RYR2: variants seen among roughly 807,000 people sequenced by gnomAD.
RYR2 encodes the protein cardiac muscle ryanodine receptor-calcium release channel.
In RYR2, 227 loss-of-function variants were observed where a neutral mutation model predicts 601.1. That is an observed-to-expected ratio of 0.38 (90% confidence interval 0.34 to 0.42). The LOEUF (loss-of-function observed/expected upper bound fraction) is 0.42. RYR2 is among the 10% of genes least tolerant of loss of function. The pLI is 1.00. For missense variants in RYR2, 4,646 were observed against 6,156.5 expected (o/e 0.75, Z 8.21); for synonymous variants, 2,223 against 2,175.1 (o/e 1.02, Z -0.61).
intron 1 of RYR2, among the ~76,000 whole-genome samples, chr1:237,179,799 A>G (rs1363977185): frequency 6.6e-6 from 1 of 152,098 alleles, no homozygotes; most frequent in Non-Finnish European, 1.5e-5. Context: ...CAGATGATGC[A>G]TCTGGAGAAG....
At chr1:237,388,049 C>T in intron 9 of RYR2, 38 bp from the exon 10 acceptor site, 1 of 1,566,788 alleles carries the variant, frequency 6.4e-7, no homozygotes, top group African/African-American at 1.3e-5. Flanking sequence ...GCACCTGACA[C>T]TGACAGTCCA....
chr1:237,768,697 G>A (rs753705523), intron 84 of RYR2, among the ~76,000 whole-genome samples: 7 of 151,848 alleles, frequency 4.6e-5, no homozygotes, highest in African/African-American at 7.2e-5. Context: ...TGTACCTTCT[G>A]CAGACATAAA....
chr1:237,632,389 C>CTTTTTTT (rs11448751), intron 42 of RYR2, among the ~76,000 whole-genome samples: 6 of 127,362 alleles, frequency 4.7e-5, no homozygotes, highest in Admixed American at 8.2e-5. Context: ...AAAGTGAATT[C>CTTTTTTT]TTTTTTTTTT....
chr1:237,458,298 G>A lies in RYR2; in HGVS notation c.1612+1563G>A, dbSNP rs188733956. Among the ~76,000 whole-genome samples the A allele has an allele frequency of 4.9e-3, 744 of 152,110 alleles. 23 individuals are homozygous for A. The highest frequency in any genetic ancestry group is 0.044 in the Admixed American group (670 of 15,268). ...CAAAAAATTAGCCGAGCGTGGTGGC[G>A]GGAGCCTGTAACCCCAGCTACTCAG... On this transcript the variant is annotated intron_variant, in intron 16 of 104. Transcript: ENST00000366574.
In RYR2 at chr1:237,610,884, G is replaced by A. The variant is rs756887457; in HGVS notation, c.4806G>A (p.Gln1602=). Residue 1602 remains glutamine (Q), a synonymous_variant, in exon 36 of 105, where the codon CAG becomes CAA. Transcript: ENST00000366574. The surrounding 1 kb of genome is among the most constrained non-coding windows in gnomAD (Gnocchi z 4.9). ...TCCTGTGGAGCAGAATGCCCAACCA[G>A]TTTTTGAAGGTAGATGTGTCTCGAA... is the stretch of plus-strand genomic sequence containing the variant. The part of the protein sequence containing the change: ...SHVLWSRMPN[Q]FLKVDVSRIS... The A allele has an allele frequency of 6.2e-7, 1 of 1,613,472 alleles. No individual in the cohort carries two copies. The highest frequency in any genetic ancestry group is 1.7e-4 in the Middle Eastern group (1 of 6,054).
At chr1:237,191,630 C>A (rs991767583) in intron 1 of RYR2, among the ~76,000 whole-genome samples, 2 of 152,120 alleles carry the variant, frequency 1.3e-5, no homozygotes, top group East Asian at 3.9e-4. Flanking sequence ...AAGAACGGCA[C>A]AATCAAACCG....
At chr1:237,315,483 T>G (rs1695019987) in intron 2 of RYR2, among the ~76,000 whole-genome samples, 1 of 152,208 alleles carries the variant, frequency 6.6e-6, no homozygotes, top group South Asian at 2.1e-4. Flanking sequence ...AGGGCTTATT[T>G]ACAAATATTT....
chr1:237,693,297 C>A (rs1425727449), intron 63 of RYR2, among the ~76,000 whole-genome samples: 4 of 151,438 alleles, frequency 2.6e-5, no homozygotes, highest in African/African-American at 7.3e-5. Flanking sequence ...TAATTAATGA[C>A]CCTTAAAATA....
At position 237,654,378 on chromosome 1, in the gene RYR2, G is replaced by A. The variant is rs758412310; in HGVS notation, c.7929G>A (p.Lys2643=). 7 of 1,613,922 alleles carry A rather than the reference G, an allele frequency of 4.3e-6. No individual in the cohort carries two copies. In the East Asian group the frequency reaches 1.6e-4, roughly 36 times the overall value. The change falls in exon 52 of 105, where the codon AAG becomes AAA. Residue 2643 remains lysine (K), a synonymous_variant. Coordinates refer to ENST00000366574, the MANE Select transcript of RYR2 (RefSeq NM_001035.3). The part of the protein sequence containing the change: ...ASEEELHLSR[K]LFWGIFDALS... ...AAGAAGAACTTCATTTATCAAGAAA[G>A]TTGTTCTGGGGCATTTTTGATGCCC...
At chr1:237,092,684 C>T (rs1420537634) in intron 1 of RYR2, among the ~76,000 whole-genome samples, 1 of 152,042 alleles carries the variant, frequency 6.6e-6, no homozygotes, top group East Asian at 1.9e-4. Context: ...CATGTGCCAC[C>T]ATGCCCAGCT....
intron 2 of RYR2, among the ~76,000 whole-genome samples, chr1:237,326,039 A>G (rs975353669): frequency 4.6e-5 from 7 of 152,176 alleles, no homozygotes; most frequent in African/African-American, 1.7e-4. Context: ...ATTGGTTGTT[A>G]TTCAGTTAAG....
intron 2 of RYR2, among the ~76,000 whole-genome samples, chr1:237,276,683 C>A (rs1690318508): frequency 6.6e-6 from 1 of 152,074 alleles, no homozygotes; most frequent in Admixed American, 6.6e-5. Flanking sequence ...GAAATTAAGT[C>A]ATAAGGGACC....
intron 2 of RYR2, among the ~76,000 whole-genome samples, chr1:237,303,683 A>G (rs12067632): frequency 0.014 from 2,073 of 152,294 alleles, 46 homozygotes; most frequent in African/African-American, 0.047. Flanking sequence ...TTAAATATAC[A>G]TATGTACCTT....
intron 71 of RYR2, among the ~76,000 whole-genome samples, chr1:237,712,715 C>T (rs1688947761): frequency 6.6e-6 from 1 of 152,178 alleles, no homozygotes; most frequent in South Asian, 2.1e-4. Context: ...GGACGAATTC[C>T]AGGTTCTCAC....
intron 1 of RYR2, among the ~76,000 whole-genome samples, chr1:237,094,411 A>C (rs557927693): frequency 6.6e-6 from 1 of 152,200 alleles, no homozygotes; most frequent in East Asian, 1.9e-4. Flanking sequence ...CAAAAACCAT[A>C]GTATCGTTTC....
chr1:237,545,070 A>G (rs1669657508), intron 25 of RYR2, among the ~76,000 whole-genome samples: 1 of 152,238 alleles, frequency 6.6e-6, no homozygotes, highest in South Asian at 2.1e-4. Flanking sequence ...TATAGAGGAA[A>G]GAAGGTTAAA....
intron 12 of RYR2, among the ~76,000 whole-genome samples, chr1:237,429,973 A>G (rs1041333259): frequency 6.6e-6 from 1 of 151,874 alleles, no homozygotes; most frequent in African/African-American, 2.4e-5. Flanking sequence ...ATTAATCTGG[A>G]AAGATATTCT....
intron 87 of RYR2, 93 bp downstream of exon 87, chr1:237,773,741 C>T (rs1573893594): frequency 1.0e-6 from 1 of 957,984 alleles, no homozygotes; most frequent in East Asian, 2.6e-5. Flanking sequence ...CTATTGACCC[C>T]TTTCTGAGTT....
chr1:237,315,048 G>A (rs1477398569), intron 2 of RYR2, among the ~76,000 whole-genome samples: 2 of 152,136 alleles, frequency 1.3e-5, no homozygotes, highest in Non-Finnish European at 2.9e-5. Flanking sequence ...TTAGAAGTAT[G>A]TAATTTTTTC....
Sources: gnomAD v4.1 joint callset for allele counts (sites outside exome capture counted in the v4.1 genomes callset) on GRCh38, gnomAD v4.1.1 for gene constraint, Gnocchi (gnomAD v3.1) non-coding constraint, MANE v1.5 for transcripts, NCBI Gene and HGNC (gene_info 2026-07-23, HGNC 2026-07-21) for gene names.